CTSB: variants seen among roughly 807,000 people sequenced by gnomAD.
The protein encoded by CTSB is cathepsin B.
In CTSB, 57 loss-of-function variants were observed where a neutral mutation model predicts 44.3. That is an observed-to-expected ratio of 1.29 (90% CI 1.04 to 1.60). The LOEUF is 1.60. Among genes scored for constraint, CTSB ranks in the 40% most tolerant of loss-of-function variants. The pLI, the probability that CTSB is intolerant of heterozygous loss-of-function variation, is 0.00. For missense variants in CTSB, 768 were observed against 443.0 expected (o/e 1.73, Z -6.59); for synonymous variants, 320 against 168.0 (o/e 1.91, Z -7.00).
chr8:11,863,021 A>T (rs1175829581), intron 1 of CTSB, among the ~76,000 whole-genome samples: 1 of 152,212 alleles, frequency 6.6e-6, no homozygotes, highest in Non-Finnish European at 1.5e-5. Context: ...TTTAGAAAAC[A>T]TCAGTTCTGG....
At chr8:11,859,372 A>T (rs182250954) in intron 1 of CTSB, among the ~76,000 whole-genome samples, 136 of 152,258 alleles carry the variant, frequency 8.9e-4, no homozygotes, top group African/African-American at 2.7e-3. Flanking sequence ...AGGTGGAATG[A>T]AAGTCAAAGG....
intron 4 of CTSB, 45 bp from the exon 5 acceptor site, chr8:11,849,209 G>A (rs780704681): frequency 8.4e-6 from 13 of 1,544,192 alleles, no homozygotes; most frequent in South Asian, 2.2e-5. Context: ...TGTCCGGGCT[G>A]GGCCCTCTGC....
intron 2 of CTSB, 149 bp from the exon 3 acceptor site, chr8:11,852,844 G>A (rs978664319): frequency 1.5e-6 from 1 of 677,688 alleles, no homozygotes; most frequent in Non-Finnish European, 2.5e-6. Flanking sequence ...GAACAGCCCA[G>A]AGTGACACAC....
intron 2 of CTSB, 135 bp downstream of exon 2, chr8:11,853,192 CAG>C: frequency 8.1e-7 from 1 of 1,229,020 alleles, no homozygotes. Context: ...CGACATGACT[CAG>C]GGTCAGGGCC....
chr8:11,848,978 TC>T lies in CTSB; in HGVS notation c.446+67del. Reference sequence around the variant, plus strand: ...GTCCCAGGAAGTCCTCAAAGTCCCCTCCACTGAGAAGCTGGGGCCCAGGGTC... The same window carrying T: ...GTCCCAGGAAGTCCTCAAAGTCCCCTCACTGAGAAGCTGGGGCCCAGGGTC... On this transcript the variant is annotated intron_variant, in intron 5 of 9. Transcript: ENST00000353047. 4 of 1,184,096 alleles carry T rather than the reference TC, an allele frequency of 3.4e-6. 1 individual carries two copies. The South Asian group carries it at 5.0e-5, about 15-fold the overall frequency. The allele number at this position is 1,184,096 out of a possible 1,614,324, so 73.3% of individuals were successfully genotyped here.
chr8:11,858,363 T>A (rs543758206), intron 1 of CTSB, among the ~76,000 whole-genome samples: 1 of 152,272 alleles, frequency 6.6e-6, no homozygotes, highest in South Asian at 2.1e-4. Flanking sequence ...GGCACGATCA[T>A]GGCTCACTGC....
At chr8:11,860,099 T>C (rs912988256) in intron 1 of CTSB, among the ~76,000 whole-genome samples, 7 of 152,080 alleles carry the variant, frequency 4.6e-5, no homozygotes, top group African/African-American at 1.7e-4. Context: ...GAAAAAGCTT[T>C]CTTACATGGT....
chr8:11,863,213 C>T (rs917394273), intron 1 of CTSB, among the ~76,000 whole-genome samples: 1 of 152,050 alleles, frequency 6.6e-6, no homozygotes, highest in Non-Finnish European at 1.5e-5. Context: ...GTAATCTCAG[C>T]ACTTAGGGAA....
intron 1 of CTSB, among the ~76,000 whole-genome samples, chr8:11,861,002 C>T (rs571289434): frequency 2.0e-5 from 3 of 152,226 alleles, no homozygotes; most frequent in Non-Finnish European, 2.9e-5. Flanking sequence ...CTGTTGTGAC[C>T]CAGAGACCTT....
chr8:11,843,394 G>C lies in CTSB; in HGVS notation c.*1731C>G, dbSNP rs1812618487. 1 of 152,202 alleles carries C rather than the reference G, an allele frequency of 6.6e-6. No individual in the cohort carries two copies. Among genetic ancestry groups the C allele is most frequent in the African/African-American group, 2.4e-5 (1 of 41,430 alleles). 9.4% of individuals were successfully genotyped at this position (152,202 alleles called of 1,614,324 possible). ...ACTTGAATGCTTTTGGAAAGAGCTA[G>C]CCTCATACCACTTCAGTTGGGAAGG... On this transcript the variant is annotated 3_prime_UTR_variant, in exon 10 of 10. Coordinates refer to ENST00000353047, the MANE Select transcript of CTSB (RefSeq NM_001908.5).
At chr8:11,849,785 T>TG (rs893792634) in intron 4 of CTSB, among the ~76,000 whole-genome samples, 4 of 152,072 alleles carry the variant, frequency 2.6e-5, no homozygotes, top group Non-Finnish European at 2.9e-5. Flanking sequence ...TTCACCATGT[T>TG]GGCCAGGTTG....
intron 1 of CTSB, among the ~76,000 whole-genome samples, chr8:11,857,034 T>A (rs969502895): frequency 6.6e-6 from 1 of 152,194 alleles, no homozygotes; most frequent in Admixed American, 6.5e-5. Context: ...TCCTCCCTAG[T>A]GACTTTGAGA....
Position 11,844,574 on chromosome 8 carries a change from A to G in CTSB, c.*551T>C, listed in dbSNP as rs1031528846. The G allele has an allele frequency of 6.5e-6, 1 of 152,836 alleles. No homozygotes were observed. Among genetic ancestry groups the G allele is most frequent in the African/African-American group, 2.4e-5 (1 of 41,456 alleles). 9.5% of individuals were successfully genotyped at this position (152,836 alleles called of 1,614,324 possible). A position where few individuals can be genotyped will look rare whatever the true frequency, so the allele number is the denominator to read the frequency against. On this transcript the variant is annotated 3_prime_UTR_variant, in exon 10 of 10. Transcript: ENST00000353047. ...CCCACATGATTAGCAGAGTGCACGA[A>G]AAAATAAAACTTCTATTAAAGAATC...
Position 11,852,705 on chromosome 8 carries a change from A to T in CTSB, c.127-10T>A. 2 of 1,613,244 alleles carry T rather than the reference A, an allele frequency of 1.2e-6. No homozygotes were observed. The highest frequency in any genetic ancestry group is 1.7e-6 in the Non-Finnish European group (2 of 1,179,554). On this transcript the variant is annotated splice_polypyrimidine_tract_variant and intron_variant, in intron 2 of 9. Coordinates refer to ENST00000353047, the MANE Select transcript of CTSB (RefSeq NM_001908.5). The stretch of plus-strand genomic sequence containing the variant: ...AGAAGTTGTGCCCGGCCTGGAAGAG[A>T]GTCACCCACTGACTGAAGGGTCTCC...
chr8:11,846,553 T>C (rs1331221649), intron 8 of CTSB, among the ~76,000 whole-genome samples: 1 of 152,186 alleles, frequency 6.6e-6, no homozygotes, highest in Non-Finnish European at 1.5e-5. Context: ...GGAGTCCCTA[T>C]GGCACTACCC....
At chr8:11,849,247 C>G in intron 4 of CTSB, 83 bp from the exon 5 acceptor site, 1 of 1,017,406 alleles carries the variant, frequency 9.8e-7, no homozygotes, top group Non-Finnish European at 1.5e-6. Context: ...GCCACAGGGG[C>G]ACCTCAGACC....
In CTSB at chr8:11,845,890, G is replaced by A. The variant is rs1227031208; in HGVS notation, c.794-101C>T. ...GGTCATGCTCCGGGAAGGAGAAACAGCTTCCAGAGGGAACCTGCTGCTCCA... is the reference window on the plus strand; with the variant it reads ...GGTCATGCTCCGGGAAGGAGAAACAACTTCCAGAGGGAACCTGCTGCTCCA... On this transcript the variant is annotated intron_variant, in intron 8 of 9. Transcript: ENST00000353047. The A allele has an allele frequency of 1.1e-5, 15 of 1,380,094 alleles. No homozygotes were observed. The African/African-American group carries it at 1.2e-4, about 11-fold the overall frequency. 85.5% of individuals were successfully genotyped at this position (1,380,094 alleles called of 1,614,324 possible).
intron 8 of CTSB, among the ~76,000 whole-genome samples, chr8:11,846,739 G>A (rs960483113): frequency 6.6e-6 from 1 of 152,240 alleles, no homozygotes; most frequent in Non-Finnish European, 1.5e-5. Context: ...GGCGTGGCCA[G>A]CCACCAGGGA....
chr8:11,853,311 C>G lies in CTSB; in HGVS notation c.126+18G>C, dbSNP rs770371081. 3.7e-6 allele frequency: 6 copies of G among 1,612,308 alleles called. No homozygotes were observed. The highest frequency in any genetic ancestry group is 1.1e-5 in the South Asian group (1 of 90,892). On this transcript the variant is annotated intron_variant, in intron 2 of 9. Coordinates refer to ENST00000353047, the MANE Select transcript of CTSB (RefSeq NM_001908.5). ...GACCTGGGAGGGGACATACATAGGA[C>G]GCAGCCCCACAGCCTACCTGCCACG...
Sources: allele counts gnomAD v4.1 joint callset (sites outside exome capture counted in the v4.1 genomes callset), GRCh38; gene constraint gnomAD v4.1.1; transcripts MANE v1.5; gene names NCBI Gene and HGNC (gene_info 2026-07-23, HGNC 2026-07-21).